Variants in CTNNA2 observed in about 807,000 individuals in gnomAD.
CTNNA2 encodes the protein catenin alpha-2.
A neutral mutation model predicts 101.0 loss-of-function variants in CTNNA2; 42 were observed. That is an observed-to-expected ratio of 0.42 (90% CI 0.32 to 0.54). The LOEUF (loss-of-function observed/expected upper bound fraction) is 0.54, where lower values mean the gene tolerates loss of function less well. Among genes scored for constraint, CTNNA2 ranks in the 20% least tolerant of loss-of-function variants. CTNNA2 has a pLI of 0.14. For missense variants in CTNNA2, 871 were observed against 1,223.1 expected, an observed-to-expected ratio of 0.71 and a Z score of 4.29; for synonymous variants, 450 against 456.4, an observed-to-expected ratio of 0.99 and a Z score of 0.18.
chr2:79,811,693 G>A (rs1677053259), intron 3 of CTNNA2, among the ~76,000 whole-genome samples: 1 of 151,946 alleles, frequency 6.6e-6, no homozygotes, highest in South Asian at 2.1e-4. Flanking sequence ...AATTGGTTTT[G>A]GGTATTTGAG....
intron 1 of CTNNA2, among the ~76,000 whole-genome samples, chr2:79,190,709 G>A (rs986182833): frequency 6.6e-6 from 1 of 152,190 alleles, no homozygotes; most frequent in South Asian, 2.1e-4. Context: ...CCAGTGAGAG[G>A]ACACAGAGAG....
intron 13 of CTNNA2, among the ~76,000 whole-genome samples, chr2:80,575,599 C>G (rs1204873997): frequency 6.6e-6 from 1 of 152,030 alleles, no homozygotes; most frequent in African/African-American, 2.4e-5. Flanking sequence ...AGTAATAGAC[C>G]ATGAGAATTG....
At chr2:79,886,675 C>T (rs928958317) in intron 6 of CTNNA2, among the ~76,000 whole-genome samples, 8 of 127,082 alleles carry the variant, frequency 6.3e-5, no homozygotes, top group African/African-American at 1.5e-4. Context: ...GGCATGAACC[C>T]GGGAGGCAGA....
At chr2:79,982,294 TAACATATATAA>T (rs1691385215) in intron 7 of CTNNA2, among the ~76,000 whole-genome samples, 1 of 137,960 alleles carries the variant, frequency 7.2e-6, no homozygotes, top group Admixed American at 7.5e-5. Context: ...ATAACATATA[TAACATATATAA>T]AACATATATA....
intron 3 of CTNNA2, among the ~76,000 whole-genome samples, chr2:79,813,356 T>C (rs1293698602): frequency 6.6e-6 from 1 of 152,152 alleles, no homozygotes; most frequent in Non-Finnish European, 1.5e-5. Flanking sequence ...GAGAAATTTA[T>C]GAAAGTAACA....
chr2:80,255,337 T>G (rs1377743888), intron 7 of CTNNA2, among the ~76,000 whole-genome samples: 1 of 152,068 alleles, frequency 6.6e-6, no homozygotes, highest in Non-Finnish European at 1.5e-5. Flanking sequence ...CCCATGGTAA[T>G]ACAGTGATTC....
intron 7 of CTNNA2, among the ~76,000 whole-genome samples, chr2:80,255,979 T>C (rs1163152355): frequency 6.6e-6 from 1 of 152,170 alleles, no homozygotes; most frequent in African/African-American, 2.4e-5. Flanking sequence ...AACTTTTTAA[T>C]GCATTTGTGT....
intron 4 of CTNNA2, among the ~76,000 whole-genome samples, chr2:79,457,375 T>C (rs1209758028): frequency 6.6e-6 from 1 of 152,148 alleles, no homozygotes. Context: ...TTATTACATT[T>C]CTGAGGCCTA....
At chr2:80,559,146 T>C (rs550901488) in intron 12 of CTNNA2, among the ~76,000 whole-genome samples, 31 of 152,252 alleles carry the variant, frequency 2.0e-4, no homozygotes, top group African/African-American at 7.2e-4. Context: ...GCACTGAGCA[T>C]TACTGCCCTA....
At chr2:79,381,706 T>C (rs1474238784) in intron 4 of CTNNA2, among the ~76,000 whole-genome samples, 1 of 152,210 alleles carries the variant, frequency 6.6e-6, no homozygotes, top group Non-Finnish European at 1.5e-5. Context: ...TCCAGCAGCA[T>C]ATGACTTCTC....
intron 4 of CTNNA2, among the ~76,000 whole-genome samples, chr2:79,397,302 T>C (rs1391709385): frequency 6.6e-6 from 1 of 152,168 alleles, no homozygotes; most frequent in Non-Finnish European, 1.5e-5. Flanking sequence ...TACTGTCAAA[T>C]ACTAGACTAT....
intron 1 of CTNNA2, among the ~76,000 whole-genome samples, chr2:79,519,385 A>G (rs987040374): frequency 6.6e-6 from 1 of 152,176 alleles, no homozygotes; most frequent in Non-Finnish European, 1.5e-5. Context: ...TCTGTGCTCA[A>G]TGCTCTCATT....
At chr2:79,643,540 A>C (rs1274749180) in intron 1 of CTNNA2, among the ~76,000 whole-genome samples, 1 of 152,192 alleles carries the variant, frequency 6.6e-6, no homozygotes, top group Admixed American at 6.5e-5. Flanking sequence ...ATGGACACAC[A>C]AATCTGAGAA....
rs551404160 is a variant in CTNNA2, at chr2:80,338,302, CT to C, written c.1057-54894del. Among the ~76,000 whole-genome samples, 235 of 134,098 alleles carry C rather than the reference CT, an allele frequency of 1.8e-3. 1 individual carries two copies. The highest frequency in any genetic ancestry group is 7.8e-3 in the South Asian group (32 of 4,108). 88.0% of individuals were successfully genotyped at this position (134,098 alleles called of 152,430 possible). On this transcript the variant is annotated intron_variant, in intron 7 of 18. Coordinates refer to ENST00000402739, the MANE Select transcript of CTNNA2 (RefSeq NM_001282597.3). Reference sequence around the variant, plus strand: ...CTGCACCTGGCCTTTTTTTCTTTTTCTTTTTTTTTTTTTTTCACTTTTAAAG... The same window carrying C: ...CTGCACCTGGCCTTTTTTTCTTTTTCTTTTTTTTTTTTTTCACTTTTAAAG...
At chr2:79,865,706 C>T (rs1278258947) in intron 4 of CTNNA2, among the ~76,000 whole-genome samples, 2 of 152,094 alleles carry the variant, frequency 1.3e-5, no homozygotes, top group African/African-American at 4.8e-5. Flanking sequence ...AATTATAGGG[C>T]TGCTTTATTT....
At chr2:80,069,513 T>C (rs1698191301) in intron 7 of CTNNA2, among the ~76,000 whole-genome samples, 1 of 152,208 alleles carries the variant, frequency 6.6e-6, no homozygotes, top group African/African-American at 2.4e-5. Context: ...CGCCATACGA[T>C]TGAAAATGTA....
intron 3 of CTNNA2, 63 bp downstream of exon 3, chr2:79,744,645 CT>C: frequency 7.0e-7 from 1 of 1,430,062 alleles, no homozygotes; most frequent in Non-Finnish European, 9.4e-7. Context: ...ATGGCTTTTT[CT>C]TTAGAATCAA....
chr2:80,081,197 G>A (rs1295771802), intron 7 of CTNNA2, among the ~76,000 whole-genome samples: 3 of 151,824 alleles, frequency 2.0e-5, no homozygotes, highest in Middle Eastern at 3.5e-3. Flanking sequence ...ACAGCAAATC[G>A]GCTTCAGCTG....
intron 1 of CTNNA2, among the ~76,000 whole-genome samples, chr2:79,608,745 A>G (rs999771151): frequency 6.6e-6 from 1 of 152,058 alleles, no homozygotes; most frequent in African/African-American, 2.4e-5. Context: ...AAACAGAGGG[A>G]ACTTCTTCAA....
Sources: gnomAD v4.1 joint callset for allele counts (sites outside exome capture counted in the v4.1 genomes callset) on GRCh38, gnomAD v4.1.1 for gene constraint, MANE v1.5 for transcripts, NCBI Gene and HGNC (gene_info 2026-07-23, HGNC 2026-07-21) for gene names.